The following DGKB variants were observed in gnomAD, a reference collection of about 807,000 sequenced individuals.
DGKB encodes diacylglycerol kinase beta.
DGKB carries 67 observed loss-of-function variants against 114.3 expected under a neutral mutation model. The observed-to-expected ratio is 0.59, with a 90% CI of 0.48 to 0.72. DGKB has a LOEUF of 0.72. Among genes scored for constraint, DGKB ranks in the 30% least tolerant of loss-of-function variants. The probability of loss-of-function intolerance (pLI) is 0.00; values close to 1 mark genes in which losing one functional copy is unlikely to be tolerated. For missense variants in DGKB, 907 were observed against 975.2 expected (o/e 0.93, Z 0.93); for synonymous variants, 398 against 323.1 (o/e 1.23, Z -2.49).
At chr7:14,795,543 A>G (rs1120408) in intron 2 of DGKB, among the ~76,000 whole-genome samples, 64,858 of 151,940 alleles carry the variant, frequency 0.43, 16,313 homozygotes, top group African/African-American at 0.7. Context: ...GAGCCCTGTC[A>G]TCCTTAAAGA....
intron 1 of DGKB, among the ~76,000 whole-genome samples, chr7:14,866,237 G>C (rs1851696292): frequency 6.6e-6 from 1 of 152,048 alleles, no homozygotes; most frequent in African/African-American, 2.4e-5. Context: ...TACATTTGTT[G>C]CAACTGATGA....
chr7:14,449,888 C>G (rs1452882053), intron 21 of DGKB, among the ~76,000 whole-genome samples: 1 of 152,078 alleles, frequency 6.6e-6, no homozygotes. Flanking sequence ...TAATGCCAAA[C>G]TCTCACGGAG....
rs557738343 is a variant in DGKB at position 14,850,650 on chromosome 7, G to A, written c.-187-9200C>T. Among the ~76,000 whole-genome samples the A allele has an allele frequency of 1.3e-3, 193 of 152,270 alleles. 2 individuals carry two copies. The highest frequency in any genetic ancestry group is 7.9e-3 in the South Asian group (38 of 4,820). On this transcript the variant is annotated intron_variant, in intron 1 of 25. Coordinates refer to ENST00000402815, the MANE Select transcript of DGKB (RefSeq NM_001350709.2). ...GTTGAGTTAGGAGGAAATGATGGGG[G>A]AAGAGGGAAATAACAGTGTGAATAT...
intron 1 of DGKB, among the ~76,000 whole-genome samples, chr7:14,949,072 A>T (rs1383179289): frequency 2.0e-5 from 3 of 151,930 alleles, no homozygotes; most frequent in African/African-American, 7.2e-5. Context: ...TGAGCAACAC[A>T]GAATTTATAT....
intron 1 of DGKB, among the ~76,000 whole-genome samples, chr7:14,912,197 G>A (rs1056220063): frequency 1.3e-5 from 2 of 152,110 alleles, no homozygotes; most frequent in Non-Finnish European, 2.9e-5. Flanking sequence ...CAAAGCTGTT[G>A]GAGGTGATAA....
chr7:14,782,606 C>T (rs901802785), intron 2 of DGKB, among the ~76,000 whole-genome samples: 4 of 152,122 alleles, frequency 2.6e-5, no homozygotes, highest in African/African-American at 9.6e-5. Context: ...ACAAATATTA[C>T]ACCAATAATG....
chr7:14,945,245 T>C (rs140477826), intron 1 of DGKB, among the ~76,000 whole-genome samples: 43 of 151,956 alleles, frequency 2.8e-4, no homozygotes, highest in African/African-American at 1.0e-3. Flanking sequence ...ATGTATATAT[T>C]ATATAATTGT....
intron 1 of DGKB, among the ~76,000 whole-genome samples, chr7:14,953,235 G>A (rs775939737): frequency 2.6e-5 from 4 of 151,974 alleles, no homozygotes; most frequent in Non-Finnish European, 4.4e-5. Context: ...AAAGTTCTGT[G>A]CTTCAAAGAA....
At chr7:14,777,585 T>C (rs938515846) in intron 2 of DGKB, among the ~76,000 whole-genome samples, 1 of 152,172 alleles carries the variant, frequency 6.6e-6, no homozygotes, top group Non-Finnish European at 1.5e-5. Context: ...ACTGCTGCCA[T>C]GTGAAGAAGG....
chr7:14,900,494 A>T (rs1273557124), intron 1 of DGKB, among the ~76,000 whole-genome samples: 6 of 152,142 alleles, frequency 3.9e-5, no homozygotes, highest in Non-Finnish European at 8.8e-5. Context: ...AGATCACATC[A>T]TAGTCGTTAT....
At chr7:14,701,301 T>C (rs1363253891) in intron 7 of DGKB, among the ~76,000 whole-genome samples, 1 of 152,240 alleles carries the variant, frequency 6.6e-6, no homozygotes, top group African/African-American at 2.4e-5. Flanking sequence ...CTTAAAATTC[T>C]ACTTATAGTC....
chr7:14,483,532 A>G (rs921641276), intron 20 of DGKB, among the ~76,000 whole-genome samples: 8 of 152,184 alleles, frequency 5.3e-5, no homozygotes, highest in African/African-American at 1.9e-4. Flanking sequence ...TTTTGCACAC[A>G]GACATGAATC....
intron 1 of DGKB, among the ~76,000 whole-genome samples, chr7:14,893,344 T>C (rs938250419): frequency 6.6e-6 from 1 of 151,482 alleles, no homozygotes; most frequent in African/African-American, 2.4e-5. Flanking sequence ...TTGTCATCCT[T>C]AAAAGACGTT....
At chr7:14,477,242 A>G (rs1175150586) in intron 21 of DGKB, among the ~76,000 whole-genome samples, 5 of 152,236 alleles carry the variant, frequency 3.3e-5, no homozygotes, top group South Asian at 2.1e-4. Context: ...CAATGTACTC[A>G]TGAGTGACAA....
intron 25 of DGKB, among the ~76,000 whole-genome samples, chr7:14,172,925 T>C (rs1352702866): frequency 6.6e-6 from 1 of 152,154 alleles, no homozygotes; most frequent in African/African-American, 2.4e-5. Context: ...ATGTTCTACA[T>C]GCTCAGGAGG....
chr7:14,304,845 A>G (rs1226164496), intron 23 of DGKB, among the ~76,000 whole-genome samples: 1 of 152,142 alleles, frequency 6.6e-6, no homozygotes, highest in Non-Finnish European at 1.5e-5. Flanking sequence ...GATATTGACT[A>G]TTTTTGACAA....
intron 20 of DGKB, among the ~76,000 whole-genome samples, chr7:14,500,154 T>C (rs1008534540): frequency 2.0e-5 from 3 of 151,922 alleles, no homozygotes. Context: ...TTTTATTTGC[T>C]GTAAATCCAT....
intron 5 of DGKB, among the ~76,000 whole-genome samples, chr7:14,722,934 C>A (rs1274844526): frequency 6.6e-6 from 1 of 151,966 alleles, no homozygotes; most frequent in Non-Finnish European, 1.5e-5. Context: ...ATTTAGTTTT[C>A]TGAAAGCAGA....
intron 23 of DGKB, among the ~76,000 whole-genome samples, chr7:14,235,914 G>A (rs1197606896): frequency 2.0e-5 from 3 of 151,868 alleles, no homozygotes; most frequent in Non-Finnish European, 2.9e-5. Context: ...CCTAGTGCAC[G>A]TGTGCACATA....
Sources: gnomAD v4.1 joint callset for allele counts (sites outside exome capture counted in the v4.1 genomes callset) on GRCh38, gnomAD v4.1.1 for gene constraint, MANE v1.5 for transcripts, NCBI Gene and HGNC (gene_info 2026-07-23, HGNC 2026-07-21) for gene names.